The following COL18A1 variants were observed in gnomAD, a reference collection of about 807,000 sequenced individuals.
COL18A1 encodes collagen alpha-1(XVIII) chain.
Under a neutral mutation model 168.0 loss-of-function variants are expected in COL18A1, and 133 were observed. The observed-to-expected ratio is 0.79, with a 90% CI of 0.69 to 0.91. COL18A1 has a LOEUF of 0.91. COL18A1 is among the 40% of genes least tolerant of loss of function. COL18A1 has a pLI of 0.00. For missense variants in COL18A1, 2,126 were observed against 1,925.4 expected (o/e 1.10, Z -1.95); for synonymous variants, 949 against 809.0 (o/e 1.17, Z -2.94).
At chr21:45,466,432 C>A (rs2035214171) in intron 2 of COL18A1, among the ~76,000 whole-genome samples, 3 of 152,184 alleles carry the variant, frequency 2.0e-5, no homozygotes, top group Admixed American at 2.0e-4. Context: ...GCAGGAGGGG[C>A]CGCCCCACCA....
Position 45,476,809 on chromosome 21 carries a change from G to A in COL18A1, c.928+329G>A, listed in dbSNP as rs1168828512. 4.6e-5 allele frequency among the ~76,000 whole-genome samples: 7 copies of A among 151,722 alleles called. No individual in the cohort carries two copies. The South Asian group carries it at 1.3e-3, about 27-fold the overall frequency. On this transcript the variant is annotated intron_variant, in intron 6 of 41. Coordinates refer to ENST00000651438, the MANE Select transcript of COL18A1 (RefSeq NM_001379500.1). ...GGTGTGTGTGTTGCGTGTAGTGTACGTGTGTGGTGTGCAGTGCATGTTGTG... is the reference window on the plus strand; with the variant it reads ...GGTGTGTGTGTTGCGTGTAGTGTACATGTGTGGTGTGCAGTGCATGTTGTG...
Position 45,478,316 on chromosome 21 carries a change from T to C in COL18A1, c.1222-11T>C, listed in dbSNP as rs2035756688. ...ATTTCCCATCACTAATGGCTTCTCTTGCACACCCAGGGCGACCCCGGTGAA... is the reference window on the plus strand; with the variant it reads ...ATTTCCCATCACTAATGGCTTCTCTCGCACACCCAGGGCGACCCCGGTGAA... On this transcript the variant is annotated splice_polypyrimidine_tract_variant and intron_variant, in intron 8 of 41. Transcript: ENST00000651438. 2 of 1,613,912 alleles carry C rather than the reference T, an allele frequency of 1.2e-6. No individual in the cohort carries two copies. The highest frequency in any genetic ancestry group is 1.7e-6 in the Non-Finnish European group (2 of 1,179,992).
rs761277443 is a variant in COL18A1 at position 45,504,399 on chromosome 21, A to G, written c.2728-17A>G. ...AGGGGTTCAGGGCTCCCGTGTAACA[A>G]GTGTTTCCGTCCACAGGGGGAGAAG... is the stretch of plus-strand genomic sequence containing the variant. On this transcript the variant is annotated splice_polypyrimidine_tract_variant and intron_variant, in intron 33 of 41. Coordinates refer to ENST00000651438, the MANE Select transcript of COL18A1 (RefSeq NM_001379500.1). The G allele has an allele frequency of 1.9e-5, 30 of 1,609,638 alleles. No individual in the cohort carries two copies. Among genetic ancestry groups the G allele is most frequent in the Non-Finnish European group, 2.5e-5 (29 of 1,178,310 alleles).
intron 3 of COL18A1, among the ~76,000 whole-genome samples, chr21:45,472,831 G>A (rs761635577): frequency 2.5e-4 from 38 of 152,170 alleles, no homozygotes; most frequent in Non-Finnish European, 4.7e-4. Context: ...TCACACGCGT[G>A]CATACGTGAT....
At chr21:45,499,721 T>C (rs1249788782) in intron 32 of COL18A1, among the ~76,000 whole-genome samples, 2 of 152,194 alleles carry the variant, frequency 1.3e-5, no homozygotes, top group Non-Finnish European at 2.9e-5. Flanking sequence ...TCTCACTATA[T>C]TGGACGGTGA....
At chr21:45,506,046 C>G in intron 37 of COL18A1, 80 bp downstream of exon 37, 2 of 1,605,302 alleles carry the variant, frequency 1.2e-6, no homozygotes, top group South Asian at 2.2e-5. Flanking sequence ...GCGAGAGGCT[C>G]AGGCCCCGGA....
At chr21:45,455,815 T>C (rs1346548711) in intron 2 of COL18A1, 1 of 1,613,352 alleles carries the variant, frequency 6.2e-7, no homozygotes. Context: ...ACACCCCCAC[T>C]TCTGCCGAGA....
chr21:45,475,123 C>T (rs1345674055), intron 4 of COL18A1, among the ~76,000 whole-genome samples: 2 of 152,238 alleles, frequency 1.3e-5, no homozygotes, highest in Non-Finnish European at 2.9e-5. Flanking sequence ...CTGGGGAAAC[C>T]TGTGCGGGGA....
chr21:45,448,818 A>G lies in COL18A1; in HGVS notation c.107-19424A>G, dbSNP rs1031063972. On this transcript the variant is annotated intron_variant, in intron 2 of 41. Coordinates refer to ENST00000651438, the MANE Select transcript of COL18A1 (RefSeq NM_001379500.1). ...GCCGTCAGGGACCACGTGTTGCATT[A>G]GTGTCCTGCTCTGTAGTCTGTTGAC... Among the ~76,000 whole-genome samples, 12 of 152,348 alleles carry G rather than the reference A, an allele frequency of 7.9e-5. No homozygotes were observed. The South Asian group carries it at 2.1e-3, about 26-fold the overall frequency.
intron 2 of COL18A1, among the ~76,000 whole-genome samples, chr21:45,454,763 C>T (rs558668604): frequency 5.9e-5 from 9 of 152,346 alleles, no homozygotes; most frequent in Admixed American, 4.6e-4. Context: ...TGTGGGTTAC[C>T]GGCTGCCTGG....
rs747799751 is a variant in COL18A1, at chr21:45,503,986, G to C, written c.2684-25G>C. 1.5e-5 allele frequency: 25 copies of C among 1,613,086 alleles called. No individual in the cohort carries two copies. In the South Asian group the frequency reaches 2.7e-4, roughly 18 times the overall value. ...GCGCTGTCAGACACCACCTCAGCGAGACCCCGCCTGTCTCTCTCTTGCAGG... is the reference window on the plus strand; with the variant it reads ...GCGCTGTCAGACACCACCTCAGCGACACCCCGCCTGTCTCTCTCTTGCAGG... On this transcript the variant is annotated intron_variant, in intron 32 of 41. Transcript: ENST00000651438.
At chr21:45,501,407 C>T (rs536928480) in intron 32 of COL18A1, among the ~76,000 whole-genome samples, 52 of 152,224 alleles carry the variant, frequency 3.4e-4, no homozygotes, top group African/African-American at 1.2e-3. Flanking sequence ...GGGTCTGCCC[C>T]AGAGGGGCCC....
rs751529142 is a variant in COL18A1 at position 45,455,595 on chromosome 21, G to A, written c.107-12647G>A. ...CTCTTCTGCTGCCTGGCGGCTGCCCGGGCCAACCTGCTGAACCTGAACTGG... is the reference window on the plus strand; with the variant it reads ...CTCTTCTGCTGCCTGGCGGCTGCCCAGGCCAACCTGCTGAACCTGAACTGG... On this transcript the variant is annotated intron_variant, in intron 2 of 41. Coordinates refer to ENST00000651438, the MANE Select transcript of COL18A1 (RefSeq NM_001379500.1). 6.2e-6 allele frequency: 10 copies of A among 1,613,902 alleles called. No homozygotes were observed. Among genetic ancestry groups the A allele is most frequent in the Admixed American group, 3.3e-5 (2 of 60,030 alleles).
chr21:45,434,462 T>G (rs1211004836), intron 2 of COL18A1, among the ~76,000 whole-genome samples: 3 of 151,930 alleles, frequency 2.0e-5, no homozygotes, highest in East Asian at 1.9e-4. Flanking sequence ...TCCGGGGGGG[T>G]TTGCAGCAGT....
chr21:45,494,248 T>TG, intron 26 of COL18A1: 12 of 472,508 alleles, frequency 2.5e-5, no homozygotes, highest in Non-Finnish European at 3.9e-5. Flanking sequence ...GCACATGCCC[T>TG]CCACCCTCCA....
intron 17 of COL18A1, 135 bp downstream of exon 17, chr21:45,487,644 G>A: frequency 8.5e-7 from 1 of 1,172,092 alleles, no homozygotes; most frequent in Non-Finnish European, 1.3e-6. Context: ...ACCACGTGTG[G>A]CGGGCGCTGT....
At position 45,429,838 on chromosome 21, in the gene COL18A1, G is replaced by A. The variant is rs556525117; in HGVS notation, c.106+24365G>A. Among the ~76,000 whole-genome samples, 398 of 152,314 alleles carry A rather than the reference G, an allele frequency of 2.6e-3. 1 individual carries two copies. The highest frequency in any genetic ancestry group is 9.0e-3 in the African/African-American group (374 of 41,568). ...AACCAAGCCTGCCCGCCTTGGTTCA[G>A]CAGAACGGCTCCTGTCTCTACAGCG... is the stretch of plus-strand genomic sequence containing the variant. On this transcript the variant is annotated intron_variant, in intron 2 of 41. Coordinates refer to ENST00000651438, the MANE Select transcript of COL18A1 (RefSeq NM_001379500.1).
intron 13 of COL18A1, among the ~76,000 whole-genome samples, chr21:45,481,380 G>T (rs573265232): frequency 1.3e-5 from 2 of 152,344 alleles, no homozygotes; most frequent in East Asian, 3.9e-4. Context: ...ACTGGCAGCA[G>T]GTGCAGACGT....
intron 2 of COL18A1, among the ~76,000 whole-genome samples, chr21:45,436,189 G>A (rs1173938556): frequency 6.6e-6 from 1 of 152,176 alleles, no homozygotes; most frequent in Non-Finnish European, 1.5e-5. Flanking sequence ...TGCCCACGTG[G>A]GTGACAGTGA....
Sources: gnomAD v4.1 joint callset for allele counts (sites outside exome capture counted in the v4.1 genomes callset) on GRCh38, gnomAD v4.1.1 for gene constraint, MANE v1.5 for transcripts, NCBI Gene and HGNC (gene_info 2026-07-23, HGNC 2026-07-21) for gene names.